Variants in GPHN observed in about 807,000 individuals in gnomAD.
GPHN encodes gephyrin.
In GPHN, 17 loss-of-function variants were observed where a neutral mutation model predicts 95.5. That is an observed-to-expected ratio of 0.18 (90% CI 0.12 to 0.27). GPHN has a LOEUF of 0.27. Ranked by LOEUF, GPHN falls within the 10% of genes least tolerant of loss-of-function variation. GPHN has a pLI of 1.00. For synonymous variants in GPHN, 320 were observed against 322.5 expected (o/e 0.99, Z 0.08); for missense variants, 660 against 978.1 (o/e 0.67, Z 4.34).
At chr14:67,618,678 G>T in the GPHN span, among the ~76,000 whole-genome samples, 1 of 152,152 alleles carries the variant, frequency 6.6e-6, no homozygotes, top group African/African-American at 2.4e-5. Flanking sequence ...ACCATGTGCA[G>T]CCAGTTTCTT....
the GPHN span, chr14:67,663,122 C>G: frequency 6.6e-7 from 1 of 1,526,508 alleles, no homozygotes; most frequent in East Asian, 2.5e-5. Flanking sequence ...ATTCATTCCC[C>G]TTTCAGCCTT....
At chr14:66,690,882 A>G (rs898377957) in intron 2 of GPHN, among the ~76,000 whole-genome samples, 4 of 152,188 alleles carry the variant, frequency 2.6e-5, no homozygotes, top group Non-Finnish European at 5.9e-5. Flanking sequence ...CTGAGGATGC[A>G]TTTCTCAGAA....
At chr14:67,481,431 T>C in the GPHN span, among the ~76,000 whole-genome samples, 2 of 152,046 alleles carry the variant, frequency 1.3e-5, no homozygotes, top group African/African-American at 4.8e-5. Context: ...TCAGACAGTG[T>C]CCGAGGGCAG....
rs543886382 is a variant in GPHN at position 66,610,870 on chromosome 14, A to G, written c.65-70237A>G. Among the ~76,000 whole-genome samples the G allele has an allele frequency of 2.4e-3, 366 of 152,164 alleles. 3 individuals are homozygous for G. Among genetic ancestry groups the G allele is most frequent in the African/African-American group, 8.3e-3 (345 of 41,522 alleles). On this transcript the variant is annotated intron_variant, in intron 1 of 22. Transcript: ENST00000478722. The stretch of plus-strand genomic sequence containing the variant: ...ATTCTGGCTAAACTCACCTAGAAGG[A>G]TTTTTTTCTGAAGACAGGCCAAGAT...
chr14:67,382,519 C>T, the GPHN span: 1 of 1,613,636 alleles, frequency 6.2e-7, no homozygotes, highest in Admixed American at 1.7e-5. Context: ...CCTTTCTGTC[C>T]TCAGTCAAGC....
the GPHN span, among the ~76,000 whole-genome samples, chr14:67,439,919 G>T: frequency 1.2e-4 from 18 of 152,120 alleles, no homozygotes; most frequent in African/African-American, 3.4e-4. Flanking sequence ...GCTTGCTGCA[G>T]CCTCAACTTC....
At chr14:67,693,391 G>A in the GPHN span, among the ~76,000 whole-genome samples, 1 of 152,122 alleles carries the variant, frequency 6.6e-6, no homozygotes, top group East Asian at 1.9e-4. Flanking sequence ...CAGCCCAGAA[G>A]AAGAAATAAC....
At chr14:67,089,317 A>T (rs1027723843) in intron 12 of GPHN, among the ~76,000 whole-genome samples, 1 of 151,462 alleles carries the variant, frequency 6.6e-6, no homozygotes, top group African/African-American at 2.4e-5. Context: ...AGTTACATGA[A>T]AATTCTCGTT....
At chr14:67,518,856 C>T in the GPHN span, among the ~76,000 whole-genome samples, 2 of 151,942 alleles carry the variant, frequency 1.3e-5, no homozygotes, top group Non-Finnish European at 1.5e-5. Context: ...ACCTGCAGCC[C>T]GATCAGAAAG....
At chr14:67,593,768 A>G in the GPHN span, 1 of 1,612,674 alleles carries the variant, frequency 6.2e-7, no homozygotes, top group Admixed American at 1.7e-5. Context: ...ATTGATGACA[A>G]TATCCTTGAC....
chr14:67,305,008 T>C, the GPHN span, among the ~76,000 whole-genome samples: 2 of 152,218 alleles, frequency 1.3e-5, no homozygotes, highest in Admixed American at 1.3e-4. Flanking sequence ...AAGTTGATAT[T>C]GTATCTGCAA....
At chr14:66,687,486 GT>G (rs1200775448) in intron 2 of GPHN, among the ~76,000 whole-genome samples, 2,880 of 124,904 alleles carry the variant, frequency 0.023, 31 homozygotes, top group African/African-American at 0.077. Context: ...ATTTTATTTG[GT>G]TTTTTTTTTT....
At chr14:67,200,551 T>A in the GPHN span, 1 of 235,920 alleles carries the variant, frequency 4.2e-6, no homozygotes, top group South Asian at 7.3e-5. Flanking sequence ...ACTCCTTGTT[T>A]AAAAAAAAAT....
the GPHN span, chr14:67,333,106 C>A: frequency 1.6e-6 from 1 of 634,244 alleles, no homozygotes; most frequent in South Asian, 2.4e-5. Flanking sequence ...ATTAGTGAGA[C>A]GACAGTTCCC....
chr14:67,288,491 A>ATATTCTT, the GPHN span, among the ~76,000 whole-genome samples: 1 of 152,210 alleles, frequency 6.6e-6, no homozygotes, highest in Non-Finnish European at 1.5e-5. Context: ...CAGGAGTTAT[A>ATATTCTT]GACTCCATCT....
chr14:67,600,181 G>A, the GPHN span: 13 of 1,586,502 alleles, frequency 8.2e-6, no homozygotes, highest in African/African-American at 1.1e-4. Context: ...GCAGATATCC[G>A]AAAAGCTCCG....
chr14:67,555,822 C>A, the GPHN span: 1 of 1,613,028 alleles, frequency 6.2e-7, no homozygotes, highest in Non-Finnish European at 8.5e-7. Context: ...TCTGGCCAAG[C>A]AGATGCAGGA....
chr14:66,945,416 A>G (rs1466175027), intron 8 of GPHN, among the ~76,000 whole-genome samples: 1 of 152,166 alleles, frequency 6.6e-6, no homozygotes, highest in Non-Finnish European at 1.5e-5. Context: ...TCCTGCATCT[A>G]TCAGTATGAG....
rs557197944 is a variant in GPHN, at chr14:66,584,109, G to A, written c.64+75518G>A. Among the ~76,000 whole-genome samples the A allele has an allele frequency of 4.6e-5, 7 of 152,046 alleles. 1 individual carries two copies. The South Asian group carries it at 1.5e-3, about 32-fold the overall frequency. ...CTTGAAGAGGTCCTTCACATCCCTT[G>A]TAAGTTGGATTCCTAGGTATTTTAT... On this transcript the variant is annotated intron_variant, in intron 1 of 22. Coordinates refer to ENST00000478722, the MANE Select transcript of GPHN (RefSeq NM_020806.5).
Sources: allele counts gnomAD v4.1 joint callset (sites outside exome capture counted in the v4.1 genomes callset), GRCh38; gene constraint gnomAD v4.1.1; transcripts MANE v1.5; gene names NCBI Gene and HGNC (gene_info 2026-07-23, HGNC 2026-07-21).